CELF2: variants seen among roughly 807,000 people sequenced by gnomAD.
CELF2 encodes CUG triplet repeat RNA-binding protein 2.
A neutral mutation model predicts 62.6 loss-of-function variants in CELF2; 8 were observed. The observed-to-expected ratio is 0.13, with a 90% CI of 0.07 to 0.23. The LOEUF is 0.23. CELF2 is among the 10% of genes least tolerant of loss of function. The probability of loss-of-function intolerance (pLI) is 1.00; values close to 1 mark genes in which losing one functional copy is unlikely to be tolerated. For missense variants in CELF2, 333 were observed against 671.0 expected (o/e 0.50, Z 5.56); for synonymous variants, 258 against 250.0 (o/e 1.03, Z -0.30).
the CELF2 span, among the ~76,000 whole-genome samples, chr10:10,653,201 A>G: frequency 1.3e-5 from 2 of 152,210 alleles, no homozygotes; most frequent in Non-Finnish European, 2.9e-5. Context: ...ATACAGGGGA[A>G]CCAAGATTCA....
At chr10:10,773,298 T>C in the CELF2 span, among the ~76,000 whole-genome samples, 4 of 152,336 alleles carry the variant, frequency 2.6e-5, no homozygotes, top group East Asian at 7.7e-4. Flanking sequence ...GGCGTTGATA[T>C]AGGCACAAAC....
At chr10:10,762,649 G>A in the CELF2 span, among the ~76,000 whole-genome samples, 1 of 152,158 alleles carries the variant, frequency 6.6e-6, no homozygotes, top group African/African-American at 2.4e-5. Flanking sequence ...AGGCTTCTGG[G>A]ATTCACACCC....
rs926629366 is a variant in CELF2 at position 10,928,951 on chromosome 10, G to A, written c.89+8952G>A. On this transcript the variant is annotated intron_variant, in intron 2 of 13. Transcript: ENST00000636488. This position sits in a 1 kb window ranked among gnomAD's most constrained non-coding sequence, Gnocchi z 4.8. ...TAGATGTTTAAATGAATTAATAAGT[G>A]TTTGAATGGATTAATAAATGTTTAA... 2.6e-5 allele frequency among the ~76,000 whole-genome samples: 4 copies of A among 152,188 alleles called. No individual in the cohort carries two copies. Among genetic ancestry groups the A allele is most frequent in the African/African-American group, 7.2e-5 (3 of 41,450 alleles).
chr10:10,650,179 C>A, the CELF2 span, among the ~76,000 whole-genome samples: 1 of 152,070 alleles, frequency 6.6e-6, no homozygotes, highest in Non-Finnish European at 1.5e-5. Context: ...TCATTTGAGA[C>A]AATCGAGGGA....
At chr10:10,680,873 A>G in the CELF2 span, among the ~76,000 whole-genome samples, 1 of 152,216 alleles carries the variant, frequency 6.6e-6, no homozygotes, top group Non-Finnish European at 1.5e-5. Context: ...ATATCTTTTC[A>G]TTAAAAATAT....
chr10:10,958,881 G>A (rs533656522), intron 2 of CELF2, among the ~76,000 whole-genome samples: 11 of 152,134 alleles, frequency 7.2e-5, no homozygotes, highest in African/African-American at 2.4e-4. Context: ...ATAGGGCCAC[G>A]ACAACATCAC....
intron 3 of CELF2, among the ~76,000 whole-genome samples, chr10:11,238,283 G>C (rs75164670): frequency 7.9e-5 from 12 of 152,164 alleles, no homozygotes; most frequent in Non-Finnish European, 1.3e-4. Context: ...CACAATTCTC[G>C]TGGTCTTTTG....
intron 1 of CELF2, among the ~76,000 whole-genome samples, chr10:11,103,880 G>T (rs182921177): frequency 6.6e-6 from 1 of 152,124 alleles, no homozygotes; most frequent in African/African-American, 2.4e-5. Flanking sequence ...GGATGGGAAG[G>T]CTAAAATTAT....
the CELF2 span, among the ~76,000 whole-genome samples, chr10:10,580,783 C>A: frequency 1.3e-5 from 2 of 152,280 alleles, no homozygotes; most frequent in East Asian, 3.9e-4. Context: ...AAAAGGGAAT[C>A]AAAGTGGCTT....
rs1008796430 is a variant in CELF2 at position 11,302,292 on chromosome 10, C to G, written c.977-11847C>G. Reference sequence around the variant, plus strand: ...GTGATGGAATTTGACAGCACCGCATCGGATAGTCCTGACACACGTGGTTCT... The same window carrying G: ...GTGATGGAATTTGACAGCACCGCATGGGATAGTCCTGACACACGTGGTTCT... On this transcript the variant is annotated intron_variant, in intron 9 of 12. Transcript: ENST00000633077. This position sits in a 1 kb window ranked among gnomAD's most constrained non-coding sequence, Gnocchi z 5.0. Among the ~76,000 whole-genome samples the G allele has an allele frequency of 6.6e-6, 1 of 152,200 alleles. No homozygotes were observed. The highest frequency in any genetic ancestry group is 2.4e-5 in the African/African-American group (1 of 41,450).
chr10:10,766,552 C>T, the CELF2 span, among the ~76,000 whole-genome samples: 1 of 152,112 alleles, frequency 6.6e-6, no homozygotes, highest in Admixed American at 6.5e-5. Flanking sequence ...GGGAATGGAG[C>T]CAGGGGAGGT....
the CELF2 span, among the ~76,000 whole-genome samples, chr10:10,477,948 T>C: frequency 2.6e-5 from 4 of 152,172 alleles, no homozygotes; most frequent in African/African-American, 9.6e-5. Flanking sequence ...GTCCTCAGAA[T>C]ATCTGTAATA....
At position 11,243,265 on chromosome 10, in the gene CELF2, G is replaced by T. The variant is rs749421502; in HGVS notation, c.355-5888G>T. Among the ~76,000 whole-genome samples, 1 of 151,016 alleles carries T rather than the reference G, an allele frequency of 6.6e-6. No individual in the cohort carries two copies. Among genetic ancestry groups the T allele is most frequent in the Non-Finnish European group, 1.5e-5 (1 of 67,940 alleles). The stretch of plus-strand genomic sequence containing the variant: ...AGGAGCCTTTGAAATTTCCCCTTTC[G>T]CTATGTTTCACTGGTTTTTAAACAA... On this transcript the variant is annotated intron_variant, in intron 3 of 12. Transcript: ENST00000633077. This position sits in a 1 kb window ranked among gnomAD's most constrained non-coding sequence, Gnocchi z 4.1.
intron 8 of CELF2, among the ~76,000 whole-genome samples, chr10:11,284,373 T>G (rs1590651501): frequency 7.0e-6 from 1 of 142,798 alleles, no homozygotes; most frequent in East Asian, 2.3e-4. Context: ...GATGAGTGTG[T>G]GGTGGGTGGA....
At position 11,269,832 on chromosome 10, in the gene CELF2, C is replaced by G. The variant is rs1029789072; in HGVS notation, c.619-834C>G. ...GTGACCTTTAGCCATTTCTTTCTCA[C>G]TACCCCTACTCCTTGCCTTTTAAAG... On this transcript the variant is annotated intron_variant, in intron 6 of 12. Transcript: ENST00000633077. This position sits in a 1 kb window ranked among gnomAD's most constrained non-coding sequence, Gnocchi z 4.4. Among the ~76,000 whole-genome samples the G allele has an allele frequency of 6.6e-6, 1 of 152,216 alleles. No homozygotes were observed. Among genetic ancestry groups the G allele is most frequent in the Non-Finnish European group, 1.5e-5 (1 of 68,040 alleles).
At chr10:10,571,687 A>G in the CELF2 span, among the ~76,000 whole-genome samples, 3 of 152,168 alleles carry the variant, frequency 2.0e-5, no homozygotes, top group Admixed American at 6.6e-5. Flanking sequence ...AGATCAAGGA[A>G]AGATTGCTAT....
chr10:10,509,218 A>G, the CELF2 span, among the ~76,000 whole-genome samples: 1 of 152,188 alleles, frequency 6.6e-6, no homozygotes, highest in East Asian at 1.9e-4. Context: ...AAAGGACTGG[A>G]TATTACTCTG....
intron 1 of CELF2, among the ~76,000 whole-genome samples, chr10:10,902,989 G>C (rs1443609110): frequency 2.6e-5 from 4 of 151,836 alleles, no homozygotes; most frequent in Non-Finnish European, 5.9e-5. Context: ...AGGAAGAAAG[G>C]AGAGGAAAGA....
chr10:10,510,284 C>T, the CELF2 span, among the ~76,000 whole-genome samples: 26 of 152,260 alleles, frequency 1.7e-4, no homozygotes, highest in Admixed American at 7.8e-4. Context: ...AAGTCATCTC[C>T]GTAATACTTG....
Sources: allele counts gnomAD v4.1 joint callset (sites outside exome capture counted in the v4.1 genomes callset), GRCh38; gene constraint gnomAD v4.1.1; non-coding constraint Gnocchi (gnomAD v3.1); transcripts MANE v1.5; gene names NCBI Gene and HGNC (gene_info 2026-07-23, HGNC 2026-07-21).